Variants in IGSF5 observed in about 807,000 individuals in gnomAD.
The protein encoded by IGSF5 is immunoglobulin superfamily 5 like.
IGSF5 carries 41 observed loss-of-function variants against 39.4 expected under a neutral mutation model. That is an observed-to-expected ratio of 1.04 (90% CI 0.81 to 1.35). IGSF5 has a LOEUF of 1.35. IGSF5 is among the 40% of genes most tolerant of loss of function. IGSF5 has a pLI of 0.00. For synonymous variants in IGSF5, 183 were observed against 175.3 expected (o/e 1.04, Z -0.34); for missense variants, 487 against 494.6 (o/e 0.98, Z 0.15).
Position 39,765,732 on chromosome 21 carries a change from C to T in IGSF5, c.298C>T (p.Gln100Ter). 6.2e-7 allele frequency: 1 copy of T among 1,614,100 alleles called. No homozygotes were observed. Among genetic ancestry groups the T allele is most frequent in the Non-Finnish European group, 8.5e-7 (1 of 1,180,010 alleles). ...NDRFTSQRYD[Q>*]GGNFTSEMII... ...CCGCTTCACCTCTCAGAGGTACGACCAGGGCGGGAACTTCACCTCGGAGAT... is the reference window on the plus strand; with the variant it reads ...CCGCTTCACCTCTCAGAGGTACGACTAGGGCGGGAACTTCACCTCGGAGAT... The change falls in exon 3 of 9, where the codon CAG becomes TAG. Residue 100 changes from glutamine to a stop codon, truncating the protein, a stop_gained. Coordinates refer to ENST00000380588, the MANE Select transcript of IGSF5 (RefSeq NM_001080444.2). LOFTEE classifies it high-confidence loss of function.
chr21:39,789,665 A>C (rs1246350869), intron 6 of IGSF5, among the ~76,000 whole-genome samples: 1 of 152,228 alleles, frequency 6.6e-6, no homozygotes, highest in East Asian at 1.9e-4. Context: ...TTTTAGAAAA[A>C]ATAAATATAA....
chr21:39,760,665 T>C (rs2080056979), intron 2 of IGSF5, among the ~76,000 whole-genome samples: 1 of 151,986 alleles, frequency 6.6e-6, no homozygotes. Flanking sequence ...CCGCCTCACA[T>C]GTTAAAGCGA....
chr21:39,719,100 T>C, the IGSF5 span, among the ~76,000 whole-genome samples: 6 of 152,330 alleles, frequency 3.9e-5, no homozygotes, highest in South Asian at 4.1e-4. Context: ...TCCAGGAATT[T>C]ATCCATCTCT....
chr21:39,751,871 G>A (rs371971666), intron 2 of IGSF5, among the ~76,000 whole-genome samples: 6 of 152,138 alleles, frequency 3.9e-5, no homozygotes, highest in African/African-American at 1.2e-4. Flanking sequence ...TGAGAAGGCC[G>A]ACCCTGAATG....
chr21:39,736,040 A>C, the IGSF5 span, among the ~76,000 whole-genome samples: 1 of 151,842 alleles, frequency 6.6e-6, no homozygotes, highest in South Asian at 2.1e-4. Context: ...GTCTAAGACC[A>C]CCCCTCACTC....
intron 2 of IGSF5, among the ~76,000 whole-genome samples, chr21:39,761,999 C>A (rs1044714608): frequency 6.6e-6 from 1 of 152,100 alleles, no homozygotes; most frequent in Non-Finnish European, 1.5e-5. Flanking sequence ...TGGGTGGCAA[C>A]CAGTTGTTTA....
intron 5 of IGSF5, among the ~76,000 whole-genome samples, chr21:39,784,663 C>T (rs2080188465): frequency 6.9e-6 from 1 of 145,560 alleles, no homozygotes; most frequent in Non-Finnish European, 1.5e-5. Flanking sequence ...AACAGGTCTG[C>T]CACAGCCTAC....
At chr21:39,738,463 T>C in the IGSF5 span, among the ~76,000 whole-genome samples, 3 of 152,116 alleles carry the variant, frequency 2.0e-5, no homozygotes, top group Non-Finnish European at 4.4e-5. The surrounding 1 kb of genome is among the most constrained non-coding windows in gnomAD (Gnocchi z 6.4). Flanking sequence ...AGCCAAACCA[T>C]ATCAGCTGGC....
At chr21:39,719,868 G>A in the IGSF5 span, among the ~76,000 whole-genome samples, 1 of 152,194 alleles carries the variant, frequency 6.6e-6, no homozygotes, top group East Asian at 1.9e-4. Context: ...ATTTCCACTG[G>A]CAACACCCTG....
intron 3 of IGSF5, among the ~76,000 whole-genome samples, chr21:39,768,674 C>G (rs1452314613): frequency 2.0e-5 from 3 of 152,210 alleles, no homozygotes; most frequent in African/African-American, 7.2e-5. Flanking sequence ...TAAACCGTCT[C>G]TCTGTCAAAC....
upstream of IGSF5, among the ~76,000 whole-genome samples, chr21:39,743,913 A>G (rs892290221): frequency 5.3e-5 from 8 of 152,082 alleles, no homozygotes; most frequent in African/African-American, 1.9e-4. Flanking sequence ...CTGAGGGTCA[A>G]ATTGGTCCTA....
At position 39,779,211 on chromosome 21, in the gene IGSF5, G is replaced by A. The variant is rs1008080471; in HGVS notation, c.840G>A (p.Thr280=). The A allele has an allele frequency of 5.0e-6, 8 of 1,613,998 alleles. No individual in the cohort carries two copies. Among genetic ancestry groups the A allele is most frequent in the Non-Finnish European group, 6.8e-6 (8 of 1,180,028 alleles). The change falls in exon 5 of 9, where the codon ACG becomes ACA. Residue 280 remains threonine, a synonymous_variant. Coordinates refer to ENST00000380588, the MANE Select transcript of IGSF5 (RefSeq NM_001080444.2). ...CAGGCACCATGCTTCTGACGCCGAC[G>A]TGTACTCTTACAATACGCTGCTGCT... is the stretch of plus-strand genomic sequence containing the variant. ...GLAGTMLLTP[T]CTLTIRCCCC...
intron 2 of IGSF5, among the ~76,000 whole-genome samples, chr21:39,764,959 C>T (rs1159476732): frequency 6.6e-6 from 1 of 152,180 alleles, no homozygotes; most frequent in Non-Finnish European, 1.5e-5. Flanking sequence ...ATGTTGCCAG[C>T]TGGCAGAGTT....
At chr21:39,801,239 CT>C (rs778231908) in intron 8 of IGSF5, 22 bp from the exon 9 acceptor site, 22 of 1,597,028 alleles carry the variant, frequency 1.4e-5, no homozygotes, top group Non-Finnish European at 1.6e-5. Flanking sequence ...ATTAAATTGA[CT>C]TTTTTCCTCC....
At position 39,779,380 on chromosome 21, in the gene IGSF5, T is replaced by C. The variant is rs1385351281; in HGVS notation, c.934+75T>C. 8 of 1,535,172 alleles carry C rather than the reference T, an allele frequency of 5.2e-6. No individual in the cohort carries two copies. In the East Asian group the frequency reaches 1.4e-4, roughly 26 times the overall value. ...CAAGCAGTTGAAGTTAATGAACTCA[T>C]CAGCTCTTTCAAAAGATAGATTAAC... On this transcript the variant is annotated intron_variant, in intron 5 of 8. Transcript: ENST00000380588.
At chr21:39,745,855 A>T (rs1398166306) in intron 1 of IGSF5, among the ~76,000 whole-genome samples, 1 of 152,150 alleles carries the variant, frequency 6.6e-6, no homozygotes, top group South Asian at 2.1e-4. Flanking sequence ...ATAGCAAGCG[A>T]AAGTGGTCCA....
At chr21:39,752,530 A>G (rs963330522) in intron 2 of IGSF5, among the ~76,000 whole-genome samples, 3 of 152,236 alleles carry the variant, frequency 2.0e-5, no homozygotes, top group Admixed American at 1.3e-4. Context: ...GTAGATACCC[A>G]GTAATGGGAT....
chr21:39,799,634 G>C (rs184237504), intron 8 of IGSF5, among the ~76,000 whole-genome samples: 1 of 151,758 alleles, frequency 6.6e-6, no homozygotes, highest in Admixed American at 6.6e-5. Context: ...TCGTGTCCCT[G>C]CTCCACCGGC....
intron 5 of IGSF5, among the ~76,000 whole-genome samples, chr21:39,786,543 G>A (rs7510012): frequency 0.11 from 15,188 of 139,656 alleles, 1,031 homozygotes; most frequent in African/African-American, 0.22. Flanking sequence ...TGTGGAAGTC[G>A]GTGTGGCGAT....
Sources: gnomAD v4.1 joint callset for allele counts (sites outside exome capture counted in the v4.1 genomes callset) on GRCh38, gnomAD v4.1.1 for gene constraint, Gnocchi (gnomAD v3.1) non-coding constraint, MANE v1.5 for transcripts, NCBI Gene and HGNC (gene_info 2026-07-23, HGNC 2026-07-21) for gene names.